The following LRFN5 variants were observed in gnomAD, a reference collection of about 807,000 sequenced individuals.
LRFN5 encodes leucine-rich repeat and fibronectin type-III domain-containing protein 5.
In LRFN5, 24 loss-of-function variants were observed where a neutral mutation model predicts 45.6. The ratio of observed to expected loss-of-function variants is 0.53; its 90% confidence interval spans 0.38 to 0.74. The LOEUF (loss-of-function observed/expected upper bound fraction) is 0.74. Ranked by LOEUF, LRFN5 falls within the 30% of genes least tolerant of loss-of-function variation. The pLI is 0.00. For missense variants in LRFN5, 776 were observed against 861.5 expected, an observed-to-expected ratio of 0.90 and a Z score of 1.24; for synonymous variants, 340 against 313.8, an observed-to-expected ratio of 1.08 and a Z score of -0.88.
chr14:41,803,982 G>A (rs1451786973), intron 2 of LRFN5, among the ~76,000 whole-genome samples: 1 of 152,128 alleles, frequency 6.6e-6, no homozygotes, highest in Non-Finnish European at 1.5e-5. Flanking sequence ...TTGTGTCTCA[G>A]CCTTCTGAGT....
intron 4 of LRFN5, chr14:41,894,379 GACTA>G (rs1890873593): frequency 1.2e-6 from 1 of 863,616 alleles, no homozygotes. Flanking sequence ...TATTTTGTTT[GACTA>G]ACACCATTGA....
intron 2 of LRFN5, among the ~76,000 whole-genome samples, chr14:41,808,432 A>C (rs1469284288): frequency 3.3e-5 from 3 of 92,050 alleles, no homozygotes; most frequent in African/African-American, 1.3e-4. Flanking sequence ...AGGAAGGAAG[A>C]ATCGAGGGAG....
intron 2 of LRFN5, among the ~76,000 whole-genome samples, chr14:41,837,225 G>A (rs116836534): frequency 1.4e-5 from 2 of 140,044 alleles, no homozygotes; most frequent in African/African-American, 5.3e-5. Flanking sequence ...AAAAGCTAGC[G>A]TTTGAATAAA....
intron 1 of LRFN5, among the ~76,000 whole-genome samples, chr14:41,761,349 G>T (rs1885656333): frequency 6.6e-6 from 1 of 151,646 alleles, no homozygotes; most frequent in African/African-American, 2.4e-5. Context: ...AAAGAAGGGA[G>T]AAGGGAAGAA....
intron 5 of LRFN5, among the ~76,000 whole-genome samples, chr14:41,903,044 C>G (rs1205527046): frequency 6.6e-6 from 1 of 151,350 alleles, no homozygotes; most frequent in Non-Finnish European, 1.5e-5. Context: ...AAATAAGATA[C>G]ACACTGGTCC....
intron 1 of LRFN5, among the ~76,000 whole-genome samples, chr14:41,631,428 A>C (rs1432852718): frequency 6.6e-6 from 1 of 152,172 alleles, no homozygotes; most frequent in East Asian, 1.9e-4. Flanking sequence ...CCCAGGCATT[A>C]GTCAAGTGTA....
At chr14:41,641,779 A>G (rs1029455269) in intron 1 of LRFN5, among the ~76,000 whole-genome samples, 1 of 152,120 alleles carries the variant, frequency 6.6e-6, no homozygotes, top group African/African-American at 2.4e-5. Flanking sequence ...TAATTGTGCC[A>G]CCCTAAAATA....
At chr14:41,835,677 G>A (rs1269087260) in intron 2 of LRFN5, among the ~76,000 whole-genome samples, 1 of 152,054 alleles carries the variant, frequency 6.6e-6, no homozygotes, top group African/African-American at 2.4e-5. Flanking sequence ...AGTAAACCAC[G>A]GTCACGCTAC....
chr14:41,709,587 G>A (rs1327481499), intron 1 of LRFN5, among the ~76,000 whole-genome samples: 2 of 151,784 alleles, frequency 1.3e-5, no homozygotes, highest in African/African-American at 2.4e-5. Flanking sequence ...CCTTTTTATA[G>A]CATTAACTGT....
At chr14:41,685,118 TA>T (rs1198109156) in intron 1 of LRFN5, among the ~76,000 whole-genome samples, 1 of 152,158 alleles carries the variant, frequency 6.6e-6, no homozygotes, top group African/African-American at 2.4e-5. Flanking sequence ...TTGTGCAAGT[TA>T]AAATGCTTTT....
rs543433339 is a variant in LRFN5, at chr14:41,740,034, G to C, written c.-196-26820G>C. ...TCTGAACAGACTTGTAATAAGTAAG[G>C]AGATTGAATCAACAATAAAAAACTT... On this transcript the variant is annotated intron_variant, in intron 1 of 5. Transcript: ENST00000298119. Among the ~76,000 whole-genome samples, 3 of 152,044 alleles carry C rather than the reference G, an allele frequency of 2.0e-5. No homozygotes were observed. In the East Asian group the frequency reaches 5.8e-4, roughly 29 times the overall value.
chr14:41,667,932 A>T (rs2138651406), intron 1 of LRFN5, among the ~76,000 whole-genome samples: 1 of 152,218 alleles, frequency 6.6e-6, no homozygotes, highest in African/African-American at 2.4e-5. Context: ...TCCTTAGGAG[A>T]TCCCTGCATA....
At chr14:41,652,809 A>G (rs1880192735) in intron 1 of LRFN5, among the ~76,000 whole-genome samples, 2 of 152,204 alleles carry the variant, frequency 1.3e-5, no homozygotes, top group East Asian at 1.9e-4. Context: ...TTTCTCCACA[A>G]CATCACCAGC....
At chr14:41,734,063 T>A (rs1359897727) in intron 1 of LRFN5, among the ~76,000 whole-genome samples, 1 of 143,822 alleles carries the variant, frequency 7.0e-6, no homozygotes, top group Non-Finnish European at 1.5e-5. Context: ...TTCACTCTTA[T>A]TGCCCAGGCT....
At chr14:41,815,129 A>C (rs545624148) in intron 2 of LRFN5, among the ~76,000 whole-genome samples, 1 of 152,280 alleles carries the variant, frequency 6.6e-6, no homozygotes, top group South Asian at 2.1e-4. Context: ...TATTTCTGAT[A>C]AACAGGTGTT....
intron 2 of LRFN5, among the ~76,000 whole-genome samples, chr14:41,770,695 A>G (rs1886050215): frequency 6.6e-6 from 1 of 152,174 alleles, no homozygotes; most frequent in Non-Finnish European, 1.5e-5. Flanking sequence ...CACAGTACAC[A>G]TAGCTGCTCT....
intron 1 of LRFN5, among the ~76,000 whole-genome samples, chr14:41,689,848 T>A (rs990400805): frequency 7.2e-6 from 1 of 139,674 alleles, no homozygotes; most frequent in Non-Finnish European, 1.5e-5. Flanking sequence ...TGAGCCGAGA[T>A]TGCGCCACTG....
At chr14:41,799,155 C>G (rs35483304) in intron 2 of LRFN5, among the ~76,000 whole-genome samples, 1 of 151,792 alleles carries the variant, frequency 6.6e-6, no homozygotes, top group South Asian at 2.1e-4. Flanking sequence ...ACTTAGCTCA[C>G]GGGTAAGTGC....
chr14:41,674,331 G>A (rs1043683690), intron 1 of LRFN5, among the ~76,000 whole-genome samples: 2 of 132,022 alleles, frequency 1.5e-5, no homozygotes, highest in Non-Finnish European at 3.3e-5. Context: ...GCGGGGGGCC[G>A]ACCCCCCCAC....
Sources: gnomAD v4.1 joint callset for allele counts (sites outside exome capture counted in the v4.1 genomes callset) on GRCh38, gnomAD v4.1.1 for gene constraint, MANE v1.5 for transcripts, NCBI Gene and HGNC (gene_info 2026-07-23, HGNC 2026-07-21) for gene names.